The following SENP3 variants were observed in gnomAD, a reference collection of about 807,000 sequenced individuals.
SENP3 encodes the protein SUMO specific peptidase 3.
Under a neutral mutation model 66.2 loss-of-function variants are expected in SENP3, and 11 were observed. The ratio of observed to expected loss-of-function variants is 0.17; its 90% CI spans 0.10 to 0.28. SENP3 has a LOEUF of 0.28. Ranked by LOEUF, SENP3 falls within the 10% of genes least tolerant of loss-of-function variation. The probability of loss-of-function intolerance (pLI) is 1.00; values close to 1 mark genes in which losing one functional copy is unlikely to be tolerated. For synonymous variants in SENP3, 292 were observed against 277.6 expected, an observed-to-expected ratio of 1.05 and a Z score of -0.52; for missense variants, 548 against 743.7, an observed-to-expected ratio of 0.74 and a Z score of 3.06.
At chr17:7,571,252 C>G in intron 10 of SENP3, 121 bp from the exon 11 acceptor site, 1 of 715,768 alleles carries the variant, frequency 1.4e-6, no homozygotes, top group Non-Finnish European at 2.4e-6. Flanking sequence ...GAACCCCAGG[C>G]TGTGGGACCC....
chr17:7,563,091 A>T lies in SENP3; in HGVS notation c.15A>T (p.Ile5=). Residue 5 remains isoleucine (I), a synonymous_variant, in exon 2 of 11, where the codon ATA becomes ATT. Coordinates refer to ENST00000321337, the MANE Select transcript of SENP3 (RefSeq NM_015670.6). MKET[I]QGTGSWGPEP... ...GGTACTGGAAGATGAAAGAGACTAT[A>T]CAAGGGACCGGGTCCTGGGGGCCTG... 5.4e-5 allele frequency: 82 copies of T among 1,513,826 alleles called. No homozygotes were observed. Among genetic ancestry groups the T allele is most frequent in the Non-Finnish European group, 7.2e-5 (82 of 1,133,216 alleles). 93.8% of individuals were successfully genotyped at this position (1,513,826 alleles called of 1,614,324 possible). A position where few individuals can be genotyped will look rare whatever the true frequency, so the allele number is the denominator to read the frequency against.
Position 7,570,991 on chromosome 17 carries a change from G to A in SENP3, c.1614+58G>A, listed in dbSNP as rs768231434. 4.1e-5 allele frequency: 61 copies of A among 1,505,016 alleles called. No individual in the cohort carries two copies. Among genetic ancestry groups the A allele is most frequent in the South Asian group, 1.3e-4 (11 of 85,132 alleles). The allele number at this position is 1,505,016 out of a possible 1,614,324, so 93.2% of individuals were successfully genotyped here. On this transcript the variant is annotated intron_variant, in intron 10 of 10. Coordinates refer to ENST00000321337, the MANE Select transcript of SENP3 (RefSeq NM_015670.6). This position sits in a 1 kb window ranked among gnomAD's most constrained non-coding sequence, Gnocchi z 5.4. ...CTGAAGTCAGTTGGGTTAAAGGGTCGGGAGGCTGTTATGCATCCCCTCATT... is the reference window on the plus strand; with the variant it reads ...CTGAAGTCAGTTGGGTTAAAGGGTCAGGAGGCTGTTATGCATCCCCTCATT...
chr17:7,571,301 C>A, intron 10 of SENP3, 72 bp from the exon 11 acceptor site: 1 of 1,136,594 alleles, frequency 8.8e-7, no homozygotes, highest in Non-Finnish European at 1.3e-6. Context: ...GATGGAGACA[C>A]ATCTCATATG....
chr17:7,562,176 C>T lies in SENP3; in HGVS notation c.-99C>T, dbSNP rs953894977. The T allele has an allele frequency of 3.3e-5, 13 of 398,036 alleles. No individual in the cohort carries two copies. The Admixed American group carries it at 3.5e-4, about 11-fold the overall frequency. The allele number at this position is 398,036 out of a possible 1,614,324, so 24.7% of individuals were successfully genotyped here. A position where few individuals can be genotyped will look rare whatever the true frequency, so the allele number is the denominator to read the frequency against. On this transcript the variant is annotated 5_prime_UTR_variant, in exon 1 of 11. Transcript: ENST00000321337. The surrounding 1 kb of genome is among the most constrained non-coding windows in gnomAD (Gnocchi z 5.0). ...CCTAAAGACAGCAGGAGTGGCGGGG[C>T]CGCCGCCGTCGCCGGAGAGATGAGC...
chr17:7,571,046 TAATCTGTTTTAGAACACCAA>T, intron 10 of SENP3, 113 bp downstream of exon 10: 1 of 923,848 alleles, frequency 1.1e-6, no homozygotes, highest in South Asian at 1.6e-5. Flanking sequence ...GAGCAGGAAG[TAATCTGTTTTAGAACACCAA>T]AACACTGGCT....
chr17:7,565,444 G>A lies in SENP3; in HGVS notation c.1072G>A (p.Gly358Ser), dbSNP rs748467838. 47 of 1,613,676 alleles carry A rather than the reference G, an allele frequency of 2.9e-5. No homozygotes were observed. The highest frequency in any genetic ancestry group is 5.5e-5 in the South Asian group (5 of 90,972). The change falls in exon 5 of 11, where the codon GGC becomes AGC. Residue 358 changes from glycine (G) to serine (S), a missense_variant. Transcript: ENST00000321337. The part of the protein sequence containing the change: ...QQEFSTPSRK[G>S]LVLQLIQSYQ... ...CTCCACCCTTGGCCTACTCAGGAAG[G>A]GCCTGGTGTTGCAGCTGATCCAGTC...
Position 7,564,819 on chromosome 17 carries a change from G to A in SENP3, c.910G>A (p.Gly304Ser), listed in dbSNP as rs367758562. Residue 304 changes from glycine to serine, a missense_variant, in exon 3 of 11, where the codon GGC becomes AGC. By Grantham distance (56) the Gly-to-Ser change is moderately conservative. This residue lies in a region of SENP3 where 215 missense variants were observed against 230.7 expected (regional missense o/e 0.93). Coordinates refer to ENST00000321337, the MANE Select transcript of SENP3 (RefSeq NM_015670.6). ...GGCAGAGAGGCCTGGGGAGAAAGCC[G>A]GCCAGCACAGCCCCCTGCGAGAGGA... is the stretch of plus-strand genomic sequence containing the variant. ...EEAERPGEKAGQHSPLREEHV... is the reference protein window; with the variant it reads ...EEAERPGEKASQHSPLREEHV... 7.4e-6 allele frequency: 12 copies of A among 1,613,164 alleles called. No homozygotes were observed. Among genetic ancestry groups the A allele is most frequent in the African/African-American group, 5.3e-5 (4 of 74,910 alleles).
At position 7,564,609 on chromosome 17, in the gene SENP3, T is replaced by A; in HGVS notation, c.716-16T>A. The A allele has an allele frequency of 6.2e-7, 1 of 1,613,732 alleles. No homozygotes were observed. Among genetic ancestry groups the A allele is most frequent in the Non-Finnish European group, 8.5e-7 (1 of 1,179,752 alleles). On this transcript the variant is annotated splice_polypyrimidine_tract_variant and intron_variant, in intron 2 of 10. Coordinates refer to ENST00000321337, the MANE Select transcript of SENP3 (RefSeq NM_015670.6). ...GGCCAGTCTCTCATGCCCATTCCATTTCCCCTGCCCTATAGGCCTCCTTTC... is the reference window on the plus strand; with the variant it reads ...GGCCAGTCTCTCATGCCCATTCCATATCCCCTGCCCTATAGGCCTCCTTTC...
rs766000267 is a variant in SENP3, at chr17:7,564,996, C to A, written c.993C>A (p.Leu331=). The A allele has an allele frequency of 6.2e-7, 1 of 1,613,804 alleles. No homozygotes were observed. Among genetic ancestry groups the A allele is most frequent in the Non-Finnish European group, 8.5e-7 (1 of 1,179,686 alleles). Residue 331 remains leucine (L), a synonymous_variant, in exon 4 of 11, where the codon CTC becomes CTA. Coordinates refer to ENST00000321337, the MANE Select transcript of SENP3 (RefSeq NM_015670.6). ...AATTCCTTCAAACGTATGGCAGCCT[C>A]ATACCCCTCAGCACTGATGAGGTAG... ...LDEFLQTYGS[L]IPLSTDEVVE...
At chr17:7,563,828 G>T (rs1044664930) in intron 2 of SENP3, 37 bp downstream of exon 2, 37 of 1,479,234 alleles carry the variant, frequency 2.5e-5, no homozygotes, top group Non-Finnish European at 3.4e-5. Context: ...GCGGGGGAGG[G>T]GTTAGGGAGG....
chr17:7,567,740 G>A (rs144210919), intron 7 of SENP3, among the ~76,000 whole-genome samples: 1 of 152,230 alleles, frequency 6.6e-6, no homozygotes, highest in East Asian at 1.9e-4. Flanking sequence ...GTGAGCAAAG[G>A]GAGATGGATA....
chr17:7,569,350 A>G (rs1237536266), intron 7 of SENP3, among the ~76,000 whole-genome samples: 1 of 138,526 alleles, frequency 7.2e-6, no homozygotes, highest in Non-Finnish European at 1.5e-5. Flanking sequence ...ACGCCACTGC[A>G]CTCCAGTCTG....
At position 7,570,421 on chromosome 17, in the gene SENP3, C is replaced by T. The variant is rs1489671258; in HGVS notation, c.1407C>T (p.Ile469=). The change falls in exon 8 of 11, where the codon ATC becomes ATT. Residue 469 remains isoleucine (I), a synonymous_variant. Transcript: ENST00000321337. This position sits in a 1 kb window ranked among gnomAD's most constrained non-coding sequence, Gnocchi z 5.4. ...ACCTGGAGGTGCATTGGTCCCTCAT[C>T]TCTGTTGATGTGAGGCGACGCACCA... ...PIHLEVHWSL[I]SVDVRRRTIT... 9 of 1,613,734 alleles carry T rather than the reference C, an allele frequency of 5.6e-6. No homozygotes were observed. The highest frequency in any genetic ancestry group is 2.2e-5 in the East Asian group (1 of 44,878).
intron 2 of SENP3, 33 bp downstream of exon 2, chr17:7,563,824 G>A (rs1289259731): frequency 2.4e-6 from 3 of 1,231,612 alleles, no homozygotes; most frequent in African/African-American, 1.5e-5. Context: ...GGTTGCGGGG[G>A]AGGGGTTAGG....
chr17:7,570,515 A>G lies in SENP3; in HGVS notation c.1479+22A>G, dbSNP rs753731015. The G allele has an allele frequency of 7.5e-6, 12 of 1,605,556 alleles. No homozygotes were observed. The highest frequency in any genetic ancestry group is 1.0e-5 in the Non-Finnish European group (12 of 1,175,108). On this transcript the variant is annotated intron_variant, in intron 8 of 10. Transcript: ENST00000321337. This position sits in a 1 kb window ranked among gnomAD's most constrained non-coding sequence, Gnocchi z 5.4. ...TAAGGTTTGAGGGGGTAGGAGAGAG[A>G]TGGGCAAAATGTGGGGCGGTGCAGT...
Position 7,565,584 on chromosome 17 carries a change from C to T in SENP3, c.1212C>T (p.Asp404=). ...TGTATGGACAGAACTGGCTCAATGA[C>T]CAGGTGAGAAAGGGTAGAGAAACAG... ...GTLYGQNWLN[D]QVMNMYGDLV... The change falls in exon 5 of 11, where the codon GAC becomes GAT. Residue 404 remains aspartate (D), a synonymous_variant. Coordinates refer to ENST00000321337, the MANE Select transcript of SENP3 (RefSeq NM_015670.6). The T allele has an allele frequency of 6.2e-7, 1 of 1,613,802 alleles. No individual in the cohort carries two copies. Among genetic ancestry groups the T allele is most frequent in the East Asian group, 2.2e-5 (1 of 44,872 alleles).
chr17:7,569,622 A>G (rs1413180276), intron 7 of SENP3, among the ~76,000 whole-genome samples: 1 of 152,180 alleles, frequency 6.6e-6, no homozygotes, highest in Non-Finnish European at 1.5e-5. Flanking sequence ...CCTTAATTTC[A>G]GTCCTCAAAA....
Position 7,562,938 on chromosome 17 carries a change from G to A in SENP3, c.-11-128G>A. 7.7e-7 allele frequency: 1 copy of A among 1,297,580 alleles called. No homozygotes were observed. Among genetic ancestry groups the A allele is most frequent in the Non-Finnish European group, 9.8e-7 (1 of 1,020,984 alleles). The allele number at this position is 1,297,580 out of a possible 1,614,324, so 80.4% of individuals were successfully genotyped here. ...CGTTAACCGGGAAGATCTTAAGTTA[G>A]GAGTTTTGCGTTTTTTCCTCTTTTC... On this transcript the variant is annotated intron_variant, in intron 1 of 10. Transcript: ENST00000321337. The surrounding 1 kb of genome is among the most constrained non-coding windows in gnomAD (Gnocchi z 5.0).
Position 7,564,956 on chromosome 17 carries a change from C to T in SENP3, c.956-3C>T, listed in dbSNP as rs764357515. The T allele has an allele frequency of 3.7e-6, 6 of 1,612,200 alleles. No homozygotes were observed. The East Asian group carries it at 6.7e-5, about 18-fold the overall frequency. On this transcript the variant is annotated splice_region_variant and splice_polypyrimidine_tract_variant and intron_variant, in intron 3 of 10. Transcript: ENST00000321337. ...CACCCCCTCCTCTCTCCCTTTCCAC[C>T]AGGCATCTTGGACGAATTCCTTCAA...
Sources: gnomAD v4.1 joint callset for allele counts (sites outside exome capture counted in the v4.1 genomes callset) on GRCh38, gnomAD v4.1.1 for gene constraint, gnomAD v4.1.1 regional missense constraint, Gnocchi (gnomAD v3.1) non-coding constraint, MANE v1.5 for transcripts, NCBI Gene and HGNC (gene_info 2026-07-23, HGNC 2026-07-21) for gene names.